Variants in KPTN observed in about 807,000 individuals in gnomAD.
The protein encoded by KPTN is KICSTOR complex protein kaptin.
In KPTN, 36 loss-of-function variants were observed where a neutral mutation model predicts 52.6. That is an observed-to-expected ratio of 0.68 (90% confidence interval 0.52 to 0.90). The LOEUF (loss-of-function observed/expected upper bound fraction) is 0.90. Among genes scored for constraint, KPTN ranks in the 40% least tolerant of loss-of-function variants. The probability of loss-of-function intolerance (pLI) is 0.00; values close to 1 mark genes in which losing one functional copy is unlikely to be tolerated. For synonymous variants in KPTN, 271 were observed against 248.4 expected, an observed-to-expected ratio of 1.09 and a Z score of -0.85; for missense variants, 529 against 576.2, an observed-to-expected ratio of 0.92 and a Z score of 0.84.
chr19:47,484,043 C>T lies in KPTN; in HGVS notation c.118G>A (p.Glu40Lys), dbSNP rs768499394. 1.3e-5 allele frequency: 21 copies of T among 1,611,562 alleles called. 1 individual carries two copies. The Middle Eastern group carries it at 2.3e-3, about 177-fold the overall frequency. ...CCTTTAAGGGTGGCGGCCAGCAGCT[C>T]CCCGCGCCCGCCGGCGCCGCCTGCC... is the stretch of plus-strand genomic sequence containing the variant. ...GLAGGAGGRG[E>K]LLAATLKGKV... The change falls in exon 1 of 12, where the codon GAG becomes AAG. Residue 40 changes from glutamate (E) to lysine (K), a missense_variant. Physicochemically the swap from Glu to Lys is moderately conservative, Grantham distance 56. Coordinates refer to ENST00000338134, the MANE Select transcript of KPTN (RefSeq NM_007059.4).
chr19:47,485,591 C>T (rs115940530), upstream of KPTN, among the ~76,000 whole-genome samples: 492 of 152,314 alleles, frequency 3.2e-3, no homozygotes, highest in African/African-American at 0.011. Context: ...ACGGCCTTAT[C>T]GCCTGTACCT....
At position 47,476,533 on chromosome 19, in the gene KPTN, T is replaced by C; in HGVS notation, c.1181A>G (p.Gln394Arg). 2 of 1,601,112 alleles carry C rather than the reference T, an allele frequency of 1.2e-6. No homozygotes were observed. The highest frequency in any genetic ancestry group is 1.1e-5 in the South Asian group (1 of 90,368). The part of the protein sequence containing the change: ...VVSLKGVHIL[Q>R]HSLIQASELV... Reference sequence around the variant, plus strand: ...TCCCACCCCAAGAGCTGGGGATACCTGCAGGATGTGCACGCCCTTCAGGGA... The same window carrying C: ...TCCCACCCCAAGAGCTGGGGATACCCGCAGGATGTGCACGCCCTTCAGGGA... Residue 394 changes from glutamine to arginine, a missense_variant and splice_region_variant, in exon 11 of 12, where the codon CAG becomes CGG. Transcript: ENST00000338134.
Position 47,483,917 on chromosome 19 carries a change from C to A in KPTN, c.226+18G>T, listed in dbSNP as rs1340286561. The A allele has an allele frequency of 1.9e-6, 3 of 1,613,100 alleles. No homozygotes were observed. Among genetic ancestry groups the A allele is most frequent in the Admixed American group, 3.3e-5 (2 of 59,994 alleles). On this transcript the variant is annotated intron_variant, in intron 1 of 11. Coordinates refer to ENST00000338134, the MANE Select transcript of KPTN (RefSeq NM_007059.4). Reference sequence around the variant, plus strand: ...CACGTTCCAGGCCCCCGCCCCCCAGCACCATAGCGCCACCCACCGGGAATG... The same window carrying A: ...CACGTTCCAGGCCCCCGCCCCCCAGAACCATAGCGCCACCCACCGGGAATG...
intron 4 of KPTN, among the ~76,000 whole-genome samples, chr19:47,482,466 G>A (rs1436552427): frequency 3.6e-5 from 5 of 140,162 alleles, no homozygotes; most frequent in Non-Finnish European, 6.1e-5. Flanking sequence ...TGGCAACAGA[G>A]CGAGCATCTA....
In KPTN at chr19:47,484,024, A is replaced by C; in HGVS notation, c.137T>G (p.Leu46Arg). ...GGRGELLAAT[L>R]KGKVLGFRYQ... ...GCGGAAGCCGAGCACCTTGCCTTTAAGGGTGGCGGCCAGCAGCTCCCCGCG... is the reference window on the plus strand; with the variant it reads ...GCGGAAGCCGAGCACCTTGCCTTTACGGGTGGCGGCCAGCAGCTCCCCGCG... The change falls in exon 1 of 12, where the codon CTT becomes CGT. Residue 46 changes from leucine (L) to arginine (R), a missense_variant. By Grantham distance (102) the Leu-to-Arg change is moderately radical. Coordinates refer to ENST00000338134, the MANE Select transcript of KPTN (RefSeq NM_007059.4). The C allele has an allele frequency of 6.2e-7, 1 of 1,612,666 alleles. No individual in the cohort carries two copies. The highest frequency in any genetic ancestry group is 8.5e-7 in the Non-Finnish European group (1 of 1,179,988).
intron 8 of KPTN, among the ~76,000 whole-genome samples, chr19:47,478,706 G>GAGTACTAC (rs1194654870): frequency 6.6e-6 from 1 of 152,006 alleles, no homozygotes; most frequent in Non-Finnish European, 1.5e-5. Flanking sequence ...ATACACCATG[G>GAGTACTAC]AGTACTACTC....
intron 1 of KPTN, 68 bp downstream of exon 1, chr19:47,483,867 A>T: frequency 6.3e-7 from 1 of 1,590,692 alleles, no homozygotes; most frequent in Non-Finnish European, 8.6e-7. Context: ...CGGCTCAGAC[A>T]GAGCCTCAGA....
In KPTN at chr19:47,475,289, G is replaced by A; in HGVS notation, c.*127C>T. 1.7e-6 allele frequency: 2 copies of A among 1,184,254 alleles called. No homozygotes were observed. The highest frequency in any genetic ancestry group is 1.5e-5 in the South Asian group (1 of 64,720). The allele number at this position is 1,184,254 out of a possible 1,614,324, so 73.4% of individuals were successfully genotyped here. The stretch of plus-strand genomic sequence containing the variant: ...GGAGTGGGTTAGCTGGGGCCCCAGG[G>A]CACAGCTTCACCACCCTGGGGAGGT... On this transcript the variant is annotated 3_prime_UTR_variant, in exon 12 of 12. Transcript: ENST00000338134.
chr19:47,481,694 A>T (rs915900818), intron 4 of KPTN: 1 of 152,332 alleles, frequency 6.6e-6, no homozygotes. Context: ...TATAGTGTCA[A>T]TGGCTGCTTT....
chr19:47,484,284 C>G, upstream of KPTN: 2 of 1,278,512 alleles, frequency 1.6e-6, no homozygotes, highest in East Asian at 2.6e-5. Context: ...CGTACGGAAG[C>G]TGCCGGCGTT....
upstream of KPTN, chr19:47,484,240 C>T (rs1459493195): frequency 1.4e-6 from 2 of 1,455,920 alleles, no homozygotes; most frequent in South Asian, 1.3e-5. Context: ...GCGACCTGAA[C>T]CGCCGGGTGC....
rs372311348 is a variant in KPTN, at chr19:47,480,412, C to G, written c.600-5G>C. On this transcript the variant is annotated splice_region_variant and splice_polypyrimidine_tract_variant and intron_variant, in intron 6 of 11. Coordinates refer to ENST00000338134, the MANE Select transcript of KPTN (RefSeq NM_007059.4). Reference sequence around the variant, plus strand: ...TGGACGTCCAGCCAGAGGACGCTGGCGGGCGGGTGGATGGACAGGACGGAC... The same window carrying G: ...TGGACGTCCAGCCAGAGGACGCTGGGGGGCGGGTGGATGGACAGGACGGAC... 6.5e-7 allele frequency: 1 copy of G among 1,540,800 alleles called. No homozygotes were observed. Among genetic ancestry groups the G allele is most frequent in the African/African-American group, 1.4e-5 (1 of 72,566 alleles).
chr19:47,485,073 C>T (rs1252543461), upstream of KPTN, among the ~76,000 whole-genome samples: 2 of 152,130 alleles, frequency 1.3e-5, no homozygotes, highest in Non-Finnish European at 2.9e-5. Context: ...GAAAAATGAT[C>T]CAGCTATAAT....
In KPTN at chr19:47,476,562, C is replaced by G; in HGVS notation, c.1152G>C (p.Val384=). ...LTGDGLQELA[V]VSLKGVHILQ... is the part of the protein sequence containing the mutation. ...GGATGTGCACGCCCTTCAGGGAGAC[C>G]ACGGCAAGCTCCTGCAGCCCATCCC... The change falls in exon 11 of 12, where the codon GTG becomes GTC. Residue 384 remains valine, a synonymous_variant. Coordinates refer to ENST00000338134, the MANE Select transcript of KPTN (RefSeq NM_007059.4). The G allele has an allele frequency of 6.2e-7, 1 of 1,610,654 alleles. No individual in the cohort carries two copies. The highest frequency in any genetic ancestry group is 2.2e-5 in the East Asian group (1 of 44,604).
At chr19:47,483,819 T>G in intron 1 of KPTN, 116 bp downstream of exon 1, 1 of 1,441,124 alleles carries the variant, frequency 6.9e-7, no homozygotes, top group South Asian at 1.3e-5. Context: ...AGTGACCCCC[T>G]TAAAACCACC....
At chr19:47,480,503 T>C (rs961803490) in intron 6 of KPTN, 96 bp from the exon 7 acceptor site, 57 of 900,242 alleles carry the variant, frequency 6.3e-5, no homozygotes, top group Non-Finnish European at 9.1e-5. Flanking sequence ...CCTGTAGCCC[T>C]GGGACCCTGC....
chr19:47,484,773 C>G (rs569525560), upstream of KPTN, among the ~76,000 whole-genome samples: 1 of 147,140 alleles, frequency 6.8e-6, no homozygotes, highest in Admixed American at 6.9e-5. Flanking sequence ...GGTGCGATCT[C>G]GGCTCACTGC....
Position 47,484,161 on chromosome 19 carries a change from G to A in KPTN, c.-1C>T, listed in dbSNP as rs1967996149. 2 of 1,595,312 alleles carry A rather than the reference G, an allele frequency of 1.3e-6. No homozygotes were observed. Among genetic ancestry groups the A allele is most frequent in the East Asian group, 2.2e-5 (1 of 44,740 alleles). On this transcript the variant is annotated 5_prime_UTR_variant, in exon 1 of 12. Transcript: ENST00000338134. Reference sequence around the variant, plus strand: ...CGGCCACGGCCGCCTCCCCCATCATGCCCCTCAGTTAAGCACCCTCTCCGC... The same window carrying A: ...CGGCCACGGCCGCCTCCCCCATCATACCCCTCAGTTAAGCACCCTCTCCGC...
In KPTN at chr19:47,479,959, T is replaced by C. The variant is rs113130930; in HGVS notation, c.710-19A>G. ...AGAACCTCTGCGTGGAGAGCGAGGA[T>C]TCAGAGCCCCAACCCCACCCCGGTC... On this transcript the variant is annotated intron_variant, in intron 7 of 11. Transcript: ENST00000338134. 2 of 1,602,178 alleles carry C rather than the reference T, an allele frequency of 1.2e-6. No individual in the cohort carries two copies. Among genetic ancestry groups the C allele is most frequent in the Admixed American group, 3.4e-5 (2 of 59,178 alleles).
Sources: gnomAD v4.1 joint callset for allele counts (sites outside exome capture counted in the v4.1 genomes callset) on GRCh38, gnomAD v4.1.1 for gene constraint, MANE v1.5 for transcripts, NCBI Gene and HGNC (gene_info 2026-07-23, HGNC 2026-07-21) for gene names.